The following ALOX12 variants were observed in gnomAD, a reference collection of about 807,000 sequenced individuals.
The protein encoded by ALOX12 is arachidonate 12-lipoxygenase, 12S type, also known as polyunsaturated fatty acid lipoxygenase ALOX12.
Under a neutral mutation model 85.5 loss-of-function variants are expected in ALOX12, and 62 were observed. The observed-to-expected ratio is 0.73, with a 90% confidence interval of 0.59 to 0.90. ALOX12 has a LOEUF of 0.90. Ranked by LOEUF, ALOX12 falls within the 40% of genes least tolerant of loss-of-function variation. The probability of loss-of-function intolerance (pLI) is 0.00; values close to 1 mark genes in which losing one functional copy is unlikely to be tolerated. For missense variants in ALOX12, 751 were observed against 856.5 expected (o/e 0.88, Z 1.54); for synonymous variants, 299 against 332.7 (o/e 0.90, Z 1.10).
intron 9 of ALOX12, among the ~76,000 whole-genome samples, 176 bp downstream of exon 9, chr17:7,005,519 C>T (rs1157297931): frequency 4.3e-5 from 5 of 117,362 alleles, no homozygotes; most frequent in African/African-American, 1.7e-4. Context: ...CTAGCTCTGT[C>T]GCCCAGGTTG....
intron 11 of ALOX12, among the ~76,000 whole-genome samples, chr17:7,007,213 C>A (rs1909131123): frequency 6.6e-6 from 1 of 152,196 alleles, no homozygotes; most frequent in African/African-American, 2.4e-5. Context: ...CCACCCTAAC[C>A]ACCCCTTGGC....
chr17:7,001,902 T>C (rs933987170), intron 8 of ALOX12, 91 bp downstream of exon 8: 1 of 1,080,206 alleles, frequency 9.3e-7, no homozygotes, highest in Admixed American at 2.2e-5. Flanking sequence ...CAAAAACTCT[T>C]TGTAGCAATT....
intron 8 of ALOX12, among the ~76,000 whole-genome samples, chr17:7,004,224 T>G (rs887459298): frequency 8.4e-6 from 1 of 119,138 alleles, no homozygotes; most frequent in South Asian, 2.3e-4. Flanking sequence ...TAAATTAATT[T>G]AATTTAATAT....
At position 6,997,017 on chromosome 17, in the gene ALOX12, C is replaced by T. The variant is rs939591074; in HGVS notation, c.327C>T (p.Pro109=). 13 of 1,541,146 alleles carry T rather than the reference C, an allele frequency of 8.4e-6. No homozygotes were observed. In the African/African-American group the frequency reaches 9.6e-5, roughly 11 times the overall value. The change falls in exon 2 of 14, where the codon CCC becomes CCT. Residue 109 remains proline, a synonymous_variant. Coordinates refer to ENST00000251535, the MANE Select transcript of ALOX12 (RefSeq NM_000697.3). ...WVQGEDILSL[P]EGTARLPGDN... Reference sequence around the variant, plus strand: ...AGGGCGAGGACATCCTGAGCCTGCCCGAGGGCACCGGTGAGCAGGCGGCGT... The same window carrying T: ...AGGGCGAGGACATCCTGAGCCTGCCTGAGGGCACCGGTGAGCAGGCGGCGT...
Position 6,999,445 on chromosome 17 carries a change from T to C in ALOX12, c.786T>C (p.Ala262=). ...CCTCGGGGATGGAAGAGCTTCAGGC[T>C]CAACTGGAGAAAGAACTTCAGGTAC... ...VLPSGMEELQ[A]QLEKELQNGS... The change falls in exon 6 of 14, where the codon GCT becomes GCC. Residue 262 remains alanine (A), a synonymous_variant. Transcript: ENST00000251535. The C allele has an allele frequency of 6.2e-7, 1 of 1,614,108 alleles. No homozygotes were observed. The highest frequency in any genetic ancestry group is 8.5e-7 in the Non-Finnish European group (1 of 1,179,986).
chr17:7,009,830 G>A lies in ALOX12; in HGVS notation c.1624G>A (p.Ala542Thr), dbSNP rs775449597. ...CTTCACGTGCACTGCCCAGCATGCC[G>A]CCATCAACCAGGGCCAGGTATGGAC... ...CVFTCTAQHA[A>T]INQGQLDWYA... Residue 542 changes from alanine to threonine, a missense_variant, in exon 12 of 14, where the codon GCC (alanine) becomes ACC (threonine). Coordinates refer to ENST00000251535, the MANE Select transcript of ALOX12 (RefSeq NM_000697.3). 1.2e-6 allele frequency: 2 copies of A among 1,614,142 alleles called. No homozygotes were observed. Among genetic ancestry groups the A allele is most frequent in the Admixed American group, 1.7e-5 (1 of 60,022 alleles).
At position 6,998,976 on chromosome 17, in the gene ALOX12, G is replaced by A. The variant is rs115276151; in HGVS notation, c.566G>A (p.Arg189His). Residue 189 changes from arginine (R) to histidine (H), a missense_variant, in exon 5 of 14, where the codon CGT becomes CAT. Physicochemically the swap from Arg to His is conservative, Grantham distance 29. Coordinates refer to ENST00000251535, the MANE Select transcript of ALOX12 (RefSeq NM_000697.3). ...AGGGCTCTGGAGATGGCCCTCAAAC[G>A]TGTTTACACCCTCCTGAGCTCCTGG... ...KAGALEMALK[R>H]VYTLLSSWNC... is the part of the protein sequence containing the mutation. 1,918 of 1,614,096 alleles carry A rather than the reference G, an allele frequency of 1.2e-3. 20 individuals carry two copies. The African/African-American group carries it at 0.022, about 19-fold the overall frequency.
In ALOX12 at chr17:6,999,049, C is replaced by T; in HGVS notation, c.639C>T (p.Ala213=). The change falls in exon 5 of 14, where the codon GCC becomes GCT. Residue 213 remains alanine (A), a synonymous_variant. Transcript: ENST00000251535. Reference sequence around the variant, plus strand: ...AGATCTTCTGGGGCCAGAAGAGTGCCCTGGCTGGTCAGTGGTTCCCCGAGG... The same window carrying T: ...AGATCTTCTGGGGCCAGAAGAGTGCTCTGGCTGGTCAGTGGTTCCCCGAGG... ...FDQIFWGQKS[A]LAEKVRQCWQ... 1 of 1,613,612 alleles carries T rather than the reference C, an allele frequency of 6.2e-7. No individual in the cohort carries two copies. Among genetic ancestry groups the T allele is most frequent in the Non-Finnish European group, 8.5e-7 (1 of 1,179,930 alleles).
intron 9 of ALOX12, among the ~76,000 whole-genome samples, chr17:7,005,563 C>G (rs937568540): frequency 8.1e-5 from 11 of 135,020 alleles, no homozygotes; most frequent in Admixed American, 2.5e-4. Flanking sequence ...TCACTGCCAT[C>G]TCCGCCTCCT....
chr17:7,004,908 T>C (rs1034257056), intron 8 of ALOX12, among the ~76,000 whole-genome samples: 4 of 152,176 alleles, frequency 2.6e-5, no homozygotes, highest in South Asian at 2.1e-4. Context: ...TTATGTGTAA[T>C]AGACACTCTC....
intron 2 of ALOX12, among the ~76,000 whole-genome samples, 185 bp from the exon 3 acceptor site, chr17:6,998,324 A>G (rs1908547603): frequency 6.6e-6 from 1 of 152,228 alleles, no homozygotes; most frequent in Admixed American, 6.5e-5. Context: ...AGAAAGCAGG[A>G]GTGCAAAGTT....
Position 7,006,059 on chromosome 17 carries a change from C to CGGGGGGGGGG in ALOX12, c.1418+32_1418+33insGGGGGGGGGG, listed in dbSNP as rs1491546294. On this transcript the variant is annotated intron_variant, in intron 10 of 13. Transcript: ENST00000251535. ...AAGGAGGAGCTGAGAAATGGTGGGG[C>CGGGGGGGGGG]CGGGGGGGGGGGGGGCTCTGGCCTG... 23 of 135,680 alleles carry CGGGGGGGGGG rather than the reference C, an allele frequency of 1.7e-4. 1 individual carries two copies. The highest frequency in any genetic ancestry group is 7.7e-4 in the East Asian group (2 of 2,612). The allele number at this position is 135,680 out of a possible 1,614,324, so 8.4% of individuals were successfully genotyped here. A position where few individuals can be genotyped will look rare whatever the true frequency, so the allele number is the denominator to read the frequency against.
intron 7 of ALOX12, 126 bp from the exon 8 acceptor site, chr17:7,001,475 CA>C: frequency 2.0e-6 from 2 of 1,016,914 alleles, no homozygotes; most frequent in Non-Finnish European, 3.0e-6. Flanking sequence ...GGAGGGTTCA[CA>C]GTCCTCCTGC....
At chr17:7,006,726 A>G in intron 11 of ALOX12, 119 bp downstream of exon 11, 2 of 1,349,548 alleles carry the variant, frequency 1.5e-6, no homozygotes, top group South Asian at 3.0e-5. Context: ...TCCTCCCTCC[A>G]CACGGGAAAG....
rs1908422983 is a variant in ALOX12 at position 6,996,205 on chromosome 17, C to T, written c.88C>T (p.Arg30Cys). The T allele has an allele frequency of 1.6e-6, 2 of 1,250,942 alleles. No individual in the cohort carries two copies. The highest frequency in any genetic ancestry group is 1.0e-6 in the Non-Finnish European group (1 of 990,920). The allele number at this position is 1,250,942 out of a possible 1,614,324, so 77.5% of individuals were successfully genotyped here. Residue 30 changes from arginine to cysteine, a missense_variant, in exon 1 of 14, where the codon CGC (arginine) becomes TGC (cysteine). Physicochemically the swap from Arg to Cys is radical, Grantham distance 180. Coordinates refer to ENST00000251535, the MANE Select transcript of ALOX12 (RefSeq NM_000697.3). Reference protein sequence around the residue: ...NRVQLWLVGTRGEAELELQLR... With the variant: ...NRVQLWLVGTCGEAELELQLR... The stretch of plus-strand genomic sequence containing the variant: ...CGTGCAGCTTTGGCTGGTCGGGACG[C>T]GCGGGGAGGCGGAGCTGGAGCTGCA...
rs1284400964 is a variant in ALOX12, at chr17:7,004,100, TATTAA to T, written c.1162-1150_1162-1146del. On this transcript the variant is annotated intron_variant, in intron 8 of 13. Coordinates refer to ENST00000251535, the MANE Select transcript of ALOX12 (RefSeq NM_000697.3). ...TATTAAAATTAAAATTTTAATTTAA[TATTAA>T]ATTAAAATTTTAATTTTAATTTTAA... 1.1e-4 allele frequency among the ~76,000 whole-genome samples: 14 copies of T among 129,460 alleles called. No individual in the cohort carries two copies. In the East Asian group the frequency reaches 2.7e-3, roughly 25 times the overall value. The allele number at this position is 129,460 out of a possible 152,430, so 84.9% of individuals were successfully genotyped here.
chr17:7,002,434 C>T (rs1000135530), intron 8 of ALOX12: 2 of 462,676 alleles, frequency 4.3e-6, no homozygotes, highest in Non-Finnish European at 8.9e-6. Context: ...GCCAGAAGTC[C>T]AAGCTTCTGC....
At chr17:6,999,584 G>A in intron 6 of ALOX12, 118 bp downstream of exon 6, 1 of 1,032,612 alleles carries the variant, frequency 9.7e-7, no homozygotes. Flanking sequence ...CCTTGGTGCA[G>A]TCCTGTGCTG....
intron 1 of ALOX12, 99 bp from the exon 2 acceptor site, chr17:6,996,727 C>T (rs899960234): frequency 2.3e-5 from 32 of 1,379,012 alleles, no homozygotes; most frequent in Non-Finnish European, 2.9e-5. Flanking sequence ...TCTTTGGAGG[C>T]CCTGAGAAAC....
Sources: allele counts gnomAD v4.1 joint callset (sites outside exome capture counted in the v4.1 genomes callset), GRCh38; gene constraint gnomAD v4.1.1; transcripts MANE v1.5; gene names NCBI Gene and HGNC (gene_info 2026-07-23, HGNC 2026-07-21).